The following B3GNT2 variants were observed in gnomAD, a reference collection of about 807,000 sequenced individuals.
The protein encoded by B3GNT2 is UDP-GlcNAc:betaGal beta-1,3-N-acetylglucosaminyltransferase 2, also known as N-acetyllactosaminide beta-1,3-N-acetylglucosaminyltransferase 2.
A neutral mutation model predicts 27.6 loss-of-function variants in B3GNT2; 12 were observed. The ratio of observed to expected loss-of-function variants is 0.44; its 90% CI spans 0.28 to 0.71. The LOEUF (loss-of-function observed/expected upper bound fraction) is 0.71, where lower values mean the gene tolerates loss of function less well. Among genes scored for constraint, B3GNT2 ranks in the 30% least tolerant of loss-of-function variants. B3GNT2 has a pLI of 0.17. For missense variants in B3GNT2, 413 were observed against 488.5 expected (o/e 0.85, Z 1.46); for synonymous variants, 192 against 189.7 (o/e 1.01, Z -0.10).
At chr2:62,206,842 C>G (rs1242913113) in intron 1 of B3GNT2, among the ~76,000 whole-genome samples, 1 of 152,228 alleles carries the variant, frequency 6.6e-6, no homozygotes, top group Non-Finnish European at 1.5e-5. Flanking sequence ...GTCCTGCAGT[C>G]TGAGGTTGTA....
chr2:62,222,195 C>G lies in B3GNT2; in HGVS notation c.-9-17C>G. ...ATTGATAAGTAATTGATACAATACTCCACCCCTTTATTCCAGATATGAGAA... is the reference window on the plus strand; with the variant it reads ...ATTGATAAGTAATTGATACAATACTGCACCCCTTTATTCCAGATATGAGAA... On this transcript the variant is annotated splice_polypyrimidine_tract_variant and intron_variant, in intron 1 of 1. Transcript: ENST00000301998. The surrounding 1 kb of genome is among the most constrained non-coding windows in gnomAD (Gnocchi z 4.2). 6.4e-7 allele frequency: 1 copy of G among 1,555,236 alleles called. No homozygotes were observed. Among genetic ancestry groups the G allele is most frequent in the Non-Finnish European group, 8.7e-7 (1 of 1,151,448 alleles).
chr2:62,222,427 G>T lies in B3GNT2; in HGVS notation c.207G>T (p.Gln69His). Reference protein sequence around the residue: ...WNREQEKLNRQYNPILSMLTN... With the variant: ...WNREQEKLNRHYNPILSMLTN... ...GAGAGCAAGAGAAGCTGAACCGGCA[G>T]TACAACCCCATCCTGAGCATGCTGA... The change falls in exon 2 of 2, where the codon CAG becomes CAT. Residue 69 changes from glutamine (Q) to histidine (H), a missense_variant. By Grantham distance (24) the Gln-to-His change is conservative (BLOSUM62 0). Transcript: ENST00000301998. The surrounding 1 kb of genome is among the most constrained non-coding windows in gnomAD (Gnocchi z 4.2). 3 of 1,614,178 alleles carry T rather than the reference G, an allele frequency of 1.9e-6. No homozygotes were observed. The highest frequency in any genetic ancestry group is 1.7e-6 in the Non-Finnish European group (2 of 1,180,030).
intron 1 of B3GNT2, among the ~76,000 whole-genome samples, chr2:62,216,481 C>T (rs563096169): frequency 6.6e-6 from 1 of 152,048 alleles, no homozygotes; most frequent in Admixed American, 6.5e-5. Flanking sequence ...TCTCAGCTCA[C>T]TGCTGCCTGG....
chr2:62,215,948 GA>G (rs1674565564), intron 1 of B3GNT2, among the ~76,000 whole-genome samples: 1 of 152,176 alleles, frequency 6.6e-6, no homozygotes, highest in Non-Finnish European at 1.5e-5. Context: ...GGTAGTAGGA[GA>G]AAGTGCAGGG....
intron 1 of B3GNT2, among the ~76,000 whole-genome samples, chr2:62,214,089 C>T (rs539666163): frequency 6.6e-6 from 1 of 152,254 alleles, no homozygotes; most frequent in South Asian, 2.1e-4. Flanking sequence ...CAGGAAATCT[C>T]TAAGAGAAAG....
At chr2:62,204,161 G>T (rs545632113) in intron 1 of B3GNT2, among the ~76,000 whole-genome samples, 1 of 152,186 alleles carries the variant, frequency 6.6e-6, no homozygotes, top group East Asian at 1.9e-4. Context: ...TGAGTAGCTG[G>T]GATTACAGGC....
rs577604070 is a variant in B3GNT2, at chr2:62,223,558, A to G, written c.*144A>G. 13 of 687,988 alleles carry G rather than the reference A, an allele frequency of 1.9e-5. No individual in the cohort carries two copies. In the East Asian group the frequency reaches 2.8e-4, roughly 15 times the overall value. The allele number at this position is 687,988 out of a possible 1,614,324, so 42.6% of individuals were successfully genotyped here. On this transcript the variant is annotated 3_prime_UTR_variant, in exon 2 of 2. Coordinates refer to ENST00000301998, the MANE Select transcript of B3GNT2 (RefSeq NM_006577.6). Reference sequence around the variant, plus strand: ...CATTTGAGGGCCTCTAAACCCTTCAATTTGGTACTCACGTGAAGAGGGAAA... The same window carrying G: ...CATTTGAGGGCCTCTAAACCCTTCAGTTTGGTACTCACGTGAAGAGGGAAA...
intron 1 of B3GNT2, among the ~76,000 whole-genome samples, chr2:62,198,916 A>G (rs1481965319): frequency 6.6e-6 from 1 of 152,174 alleles, no homozygotes; most frequent in Non-Finnish European, 1.5e-5. Context: ...TCTGTTTCTC[A>G]AACTTTGAAA....
intron 1 of B3GNT2, among the ~76,000 whole-genome samples, chr2:62,218,910 G>C (rs1674627833): frequency 6.6e-6 from 1 of 152,226 alleles, no homozygotes. Context: ...CCTTGACGTG[G>C]CCTTGATTGA....
At chr2:62,213,816 C>T (rs1674522584) in intron 1 of B3GNT2, among the ~76,000 whole-genome samples, 1 of 152,178 alleles carries the variant, frequency 6.6e-6, no homozygotes, top group South Asian at 2.1e-4. Flanking sequence ...CCATTGTCAT[C>T]TCTTAGGAGA....
At chr2:62,205,022 G>A (rs987822048) in intron 1 of B3GNT2, among the ~76,000 whole-genome samples, 5 of 152,314 alleles carry the variant, frequency 3.3e-5, no homozygotes, top group Admixed American at 6.5e-5. Flanking sequence ...TAGAGATAGC[G>A]GAGGCTGGGG....
At chr2:62,218,992 A>C (rs1426619146) in intron 1 of B3GNT2, among the ~76,000 whole-genome samples, 1 of 152,252 alleles carries the variant, frequency 6.6e-6, no homozygotes. Context: ...TATTCCTCAA[A>C]GCATCCTCAA....
rs1251283556 is a variant in B3GNT2 at position 62,222,788 on chromosome 2, A to T, written c.568A>T (p.Asn190Tyr). Residue 190 changes from asparagine to tyrosine, a missense_variant, in exon 2 of 2, where the codon AAC (asparagine) becomes TAC (tyrosine). Physicochemically the swap from Asn to Tyr is moderately radical, Grantham distance 143. Transcript: ENST00000301998. This position sits in a 1 kb window ranked among gnomAD's most constrained non-coding sequence, Gnocchi z 4.2. ...FLLGQTPPED[N>Y]HPDLSDMLKF... ...GCTGGGCCAGACACCCCCAGAGGAC[A>T]ACCACCCCGACCTTTCAGATATGCT... 6.2e-7 allele frequency: 1 copy of T among 1,614,080 alleles called. No homozygotes were observed. Among genetic ancestry groups the T allele is most frequent in the Non-Finnish European group, 8.5e-7 (1 of 1,180,046 alleles).
intron 1 of B3GNT2, among the ~76,000 whole-genome samples, chr2:62,203,073 A>G (rs1008725): frequency 0.66 from 99,739 of 152,078 alleles, 32,900 homozygotes; most frequent in East Asian, 0.69. Context: ...CCTTACAGCA[A>G]TCAACTCTGA....
At chr2:62,201,871 C>A (rs971888271) in intron 1 of B3GNT2, among the ~76,000 whole-genome samples, 19 of 152,262 alleles carry the variant, frequency 1.2e-4, no homozygotes, top group East Asian at 9.6e-4. Flanking sequence ...AAAATATGGG[C>A]CTGCTTAGAG....
rs60838699 is a variant in B3GNT2, at chr2:62,207,989, C to A, written c.-10+11634C>A. Among the ~76,000 whole-genome samples the A allele has an allele frequency of 4.0e-3, 612 of 152,226 alleles. 3 individuals are homozygous for A. The highest frequency in any genetic ancestry group is 0.014 in the African/African-American group (586 of 41,528). On this transcript the variant is annotated intron_variant, in intron 1 of 1. Coordinates refer to ENST00000301998, the MANE Select transcript of B3GNT2 (RefSeq NM_006577.6). ...GTGGCCAGTTATCACACCAGTGGAA[C>A]TAAGTGGTGGGGAATGGTGTACTTT...
chr2:62,212,191 C>T (rs758890070), intron 1 of B3GNT2, among the ~76,000 whole-genome samples: 1 of 152,262 alleles, frequency 6.6e-6, no homozygotes, highest in South Asian at 2.1e-4. Flanking sequence ...GATTTTTCTT[C>T]CTGATTTCAT....
intron 1 of B3GNT2, among the ~76,000 whole-genome samples, chr2:62,207,147 C>A (rs2104193081): frequency 6.6e-6 from 1 of 151,276 alleles, no homozygotes; most frequent in East Asian, 1.9e-4. Context: ...GTTTATCTTG[C>A]AGGGAAATGT....
chr2:62,205,924 G>T (rs1342754055), intron 1 of B3GNT2: 1 of 154,306 alleles, frequency 6.5e-6, no homozygotes, highest in Non-Finnish European at 1.5e-5. Flanking sequence ...TACTCCTTTT[G>T]GGGGATCCTG....
Sources: allele counts gnomAD v4.1 joint callset (sites outside exome capture counted in the v4.1 genomes callset), GRCh38; gene constraint gnomAD v4.1.1; non-coding constraint Gnocchi (gnomAD v3.1); transcripts MANE v1.5; gene names NCBI Gene and HGNC (gene_info 2026-07-23, HGNC 2026-07-21).